SIPA1L2: variants seen among roughly 807,000 people sequenced by gnomAD.
The protein encoded by SIPA1L2 is signal induced proliferation associated 1 like 2.
In SIPA1L2, 56 loss-of-function variants were observed where a neutral mutation model predicts 163.9. The observed-to-expected ratio is 0.34, with a 90% CI of 0.28 to 0.43. The LOEUF (loss-of-function observed/expected upper bound fraction) is 0.43. SIPA1L2 is among the 20% of genes least tolerant of loss of function. SIPA1L2 has a pLI of 1.00. For synonymous variants in SIPA1L2, 877 were observed against 865.7 expected (o/e 1.01, Z -0.23); for missense variants, 1,974 against 2,193.5 (o/e 0.90, Z 2.00).
At chr1:232,414,197 T>C (rs978527425) in intron 19 of SIPA1L2, among the ~76,000 whole-genome samples, 1 of 152,192 alleles carries the variant, frequency 6.6e-6, no homozygotes, top group African/African-American at 2.4e-5. Context: ...TAGGGAGCAG[T>C]GAGCGCACAT....
intron 4 of SIPA1L2, among the ~76,000 whole-genome samples, chr1:232,492,510 T>G (rs1395104310): frequency 6.6e-6 from 1 of 152,164 alleles, no homozygotes; most frequent in Non-Finnish European, 1.5e-5. Context: ...CATGCCCAGC[T>G]TCAGACTTAA....
chr1:232,478,276 C>T (rs552215388), intron 7 of SIPA1L2, among the ~76,000 whole-genome samples: 41 of 152,020 alleles, frequency 2.7e-4, no homozygotes, highest in Non-Finnish European at 5.9e-4. Context: ...TATTAGAAAA[C>T]ACTAGAAAAT....
At chr1:232,467,233 GCTTTGGGACAGATACACCGAA>G (rs1664568274) in intron 8 of SIPA1L2, among the ~76,000 whole-genome samples, 1 of 152,176 alleles carries the variant, frequency 6.6e-6, no homozygotes, top group Non-Finnish European at 1.5e-5. Flanking sequence ...TGACTGCTTT[GCTTTGGGACAGATACACCGAA>G]CTCATCAATA....
At chr1:232,496,267 T>G (rs1666185763) in intron 3 of SIPA1L2, among the ~76,000 whole-genome samples, 1 of 152,184 alleles carries the variant, frequency 6.6e-6, no homozygotes, top group Admixed American at 6.5e-5. Context: ...CTGCCTACAG[T>G]ATTCAGTACA....
intron 3 of SIPA1L2, among the ~76,000 whole-genome samples, chr1:232,506,819 ATTCT>A (rs1178355005): frequency 2.0e-5 from 3 of 152,206 alleles, no homozygotes; most frequent in Non-Finnish European, 4.4e-5. Context: ...CTACTTACAA[ATTCT>A]TTCTTCTTGT....
chr1:232,527,149 A>G (rs1187340800), intron 2 of SIPA1L2, among the ~76,000 whole-genome samples: 1 of 152,206 alleles, frequency 6.6e-6, no homozygotes, highest in Non-Finnish European at 1.5e-5. Flanking sequence ...GCTGCAATAA[A>G]CTTGTCCTAA....
At chr1:232,511,789 G>A (rs781757576) in intron 3 of SIPA1L2, among the ~76,000 whole-genome samples, 1 of 152,132 alleles carries the variant, frequency 6.6e-6, no homozygotes, top group Admixed American at 6.5e-5. Flanking sequence ...GAAAACCTGG[G>A]CAATACCATT....
At chr1:232,580,046 T>C (rs1158377615) in intron 1 of SIPA1L2, among the ~76,000 whole-genome samples, 2 of 152,208 alleles carry the variant, frequency 1.3e-5, no homozygotes, top group Non-Finnish European at 2.9e-5. Flanking sequence ...AGCAGGAGCA[T>C]GGGCTGCTCA....
At chr1:232,532,600 A>C (rs1369461393) in intron 2 of SIPA1L2, among the ~76,000 whole-genome samples, 1 of 152,208 alleles carries the variant, frequency 6.6e-6, no homozygotes, top group Non-Finnish European at 1.5e-5. Flanking sequence ...TTCAATGGGG[A>C]TAAAAAAATA....
At chr1:232,579,478 T>C (rs571379970) in intron 1 of SIPA1L2, among the ~76,000 whole-genome samples, 2 of 152,284 alleles carry the variant, frequency 1.3e-5, no homozygotes, top group East Asian at 3.9e-4. Flanking sequence ...CAGTACATAT[T>C]TTCCAAAAGA....
In SIPA1L2 at chr1:232,464,765, T is replaced by C. The variant is rs1422129561; in HGVS notation, c.2820+75A>G. On this transcript the variant is annotated intron_variant, in intron 9 of 22. Transcript: ENST00000674635. ...CTAATTGGTATAATCATGGTAGCAG[T>C]TCCCCAGTGAAAGTTATTTTGAATC... 1.3e-5 allele frequency: 15 copies of C among 1,188,964 alleles called. No homozygotes were observed. In the East Asian group the frequency reaches 3.1e-4, roughly 25 times the overall value. The allele number at this position is 1,188,964 out of a possible 1,614,324, so 73.7% of individuals were successfully genotyped here.
In SIPA1L2 at chr1:232,403,628, G is replaced by A. The variant is rs1376495705; in HGVS notation, c.4817-57C>T. 6 of 1,533,892 alleles carry A rather than the reference G, an allele frequency of 3.9e-6. No homozygotes were observed. The Admixed American group carries it at 1.0e-4, about 27-fold the overall frequency. Reference sequence around the variant, plus strand: ...GGGTTAGTAATCAATGCAAGGCAATGTTTCTTTGTGGAAATGCAATAGCTA... The same window carrying A: ...GGGTTAGTAATCAATGCAAGGCAATATTTCTTTGTGGAAATGCAATAGCTA... On this transcript the variant is annotated intron_variant, in intron 20 of 22. Coordinates refer to ENST00000674635, the MANE Select transcript of SIPA1L2 (RefSeq NM_020808.5).
chr1:232,411,861 A>G (rs1159977529), intron 19 of SIPA1L2, among the ~76,000 whole-genome samples: 2 of 152,176 alleles, frequency 1.3e-5, no homozygotes, highest in East Asian at 3.9e-4. Flanking sequence ...AACATTTACA[A>G]CTTTCTAAGT....
At chr1:232,479,126 C>T (rs1665190485) in intron 7 of SIPA1L2, among the ~76,000 whole-genome samples, 2 of 152,204 alleles carry the variant, frequency 1.3e-5, no homozygotes, top group African/African-American at 4.8e-5. Flanking sequence ...TTAATTCTTA[C>T]TGAGTGGCTG....
intron 2 of SIPA1L2, among the ~76,000 whole-genome samples, chr1:232,521,930 T>C (rs1420369463): frequency 6.6e-6 from 1 of 152,122 alleles, no homozygotes; most frequent in Non-Finnish European, 1.5e-5. Context: ...TGCAGGAAGA[T>C]AGTCTAGGTC....
intron 3 of SIPA1L2, among the ~76,000 whole-genome samples, chr1:232,509,240 C>G (rs1666872808): frequency 6.6e-6 from 1 of 152,232 alleles, no homozygotes; most frequent in East Asian, 1.9e-4. Flanking sequence ...TGATGTGTCA[C>G]AGAAATACAC....
intron 2 of SIPA1L2, among the ~76,000 whole-genome samples, chr1:232,534,995 C>T (rs1657214787): frequency 6.6e-6 from 1 of 152,192 alleles, no homozygotes; most frequent in African/African-American, 2.4e-5. Flanking sequence ...TCTAAAATGG[C>T]AATTTCTACT....
chr1:232,421,292 CTGCGCACCTGCTCTGGCT>C lies in SIPA1L2; in HGVS notation c.4630+4279_4630+4296del, dbSNP rs536675738. On this transcript the variant is annotated intron_variant, in intron 18 of 22. Transcript: ENST00000674635. ...GGGGGTAGTATCAGGGAACCACTGC[CTGCGCACCTGCTCTGGCT>C]TGCGCACCTGCTCAAGCGACATTGA... Among the ~76,000 whole-genome samples the C allele has an allele frequency of 1.0e-3, 158 of 152,312 alleles. 1 individual carries two copies. The highest frequency in any genetic ancestry group is 3.5e-3 in the African/African-American group (146 of 41,568).
chr1:232,462,376 G>A, intron 9 of SIPA1L2: 1 of 1,496,270 alleles, frequency 6.7e-7, no homozygotes, highest in African/African-American at 1.4e-5. Flanking sequence ...AACATGCTCT[G>A]ACTACATAGA....
Sources: gnomAD v4.1 joint callset for allele counts (sites outside exome capture counted in the v4.1 genomes callset) on GRCh38, gnomAD v4.1.1 for gene constraint, MANE v1.5 for transcripts, NCBI Gene and HGNC (gene_info 2026-07-23, HGNC 2026-07-21) for gene names.